CYB5R4: variants seen among roughly 807,000 people sequenced by gnomAD.
The protein encoded by CYB5R4 is cytochrome b5 reductase 4.
CYB5R4 carries 55 observed loss-of-function variants against 70.2 expected under a neutral mutation model. The observed-to-expected ratio is 0.78, with a 90% CI of 0.63 to 0.98. CYB5R4 has a LOEUF of 0.98. Ranked by LOEUF, CYB5R4 falls within the 50% of genes least tolerant of loss-of-function variation. The pLI is 0.00. For missense variants in CYB5R4, 562 were observed against 612.6 expected, an observed-to-expected ratio of 0.92 and a Z score of 0.87; for synonymous variants, 197 against 199.5, an observed-to-expected ratio of 0.99 and a Z score of 0.11.
chr6:83,924,448 A>G (rs779307851), intron 9 of CYB5R4, 22 bp from the exon 10 acceptor site: 3 of 1,609,442 alleles, frequency 1.9e-6, no homozygotes, highest in South Asian at 1.1e-5. Context: ...ATGAACACAA[A>G]TGGAATTTAT....
chr6:83,902,207 T>G (rs9362018), intron 3 of CYB5R4, among the ~76,000 whole-genome samples: 23,811 of 152,020 alleles, frequency 0.16, 3,671 homozygotes, highest in African/African-American at 0.38. Flanking sequence ...TATGGTGAAA[T>G]ATTGGAGTTC....
chr6:83,909,187 G>A, intron 4 of CYB5R4, 97 bp downstream of exon 4: 1 of 956,362 alleles, frequency 1.0e-6, no homozygotes, highest in Non-Finnish European at 1.6e-6. Context: ...AAATCACTAT[G>A]GTTTTGTAAT....
chr6:83,947,201 A>G (rs1015662595), intron 14 of CYB5R4, among the ~76,000 whole-genome samples: 1 of 152,196 alleles, frequency 6.6e-6, no homozygotes, highest in African/African-American at 2.4e-5. Context: ...ACTGGTACCA[A>G]AACAGATATA....
chr6:83,866,585 C>G (rs1243147431), intron 2 of CYB5R4, among the ~76,000 whole-genome samples: 1 of 151,406 alleles, frequency 6.6e-6, no homozygotes, highest in Non-Finnish European at 1.5e-5. Flanking sequence ...AGCACCTCGT[C>G]TGGTAAGGTG....
rs554096261 is a variant in CYB5R4, at chr6:83,953,824, A to G, written c.1347-1474A>G. Among the ~76,000 whole-genome samples the G allele has an allele frequency of 5.9e-5, 9 of 152,270 alleles. No homozygotes were observed. The East Asian group carries it at 1.5e-3, about 26-fold the overall frequency. ...GATGACTGCTAATGATTTAGACTAA[A>G]TGAATACATTTGTATTTCAAGACTT... On this transcript the variant is annotated intron_variant, in intron 14 of 15. Transcript: ENST00000369681.
intron 4 of CYB5R4, among the ~76,000 whole-genome samples, chr6:83,911,374 A>G (rs2099464655): frequency 6.6e-6 from 1 of 152,208 alleles, no homozygotes; most frequent in Non-Finnish European, 1.5e-5. Context: ...TACAGAACCA[A>G]GAAGTCTTCT....
At chr6:83,945,374 G>A (rs1203065951) in intron 14 of CYB5R4, among the ~76,000 whole-genome samples, 1 of 152,146 alleles carries the variant, frequency 6.6e-6, no homozygotes, top group African/African-American at 2.4e-5. Flanking sequence ...TGAAACCAAT[G>A]AGAACAAAGA....
intron 2 of CYB5R4, among the ~76,000 whole-genome samples, chr6:83,874,531 T>C (rs552900421): frequency 2.8e-4 from 42 of 150,848 alleles, no homozygotes; most frequent in East Asian, 9.9e-4. Context: ...TTTTTTTTTT[T>C]CCCCCTAAGG....
rs1470486582 is a variant in CYB5R4, at chr6:83,940,561, T to C, written c.1306T>C (p.Trp436Arg). 6.2e-7 allele frequency: 1 copy of C among 1,600,758 alleles called. No homozygotes were observed. The highest frequency in any genetic ancestry group is 2.2e-5 in the East Asian group (1 of 44,510). Residue 436 changes from tryptophan to arginine, a missense_variant, in exon 14 of 16, where the codon TGG (tryptophan) becomes CGG (arginine). Transcript: ENST00000369681. The stretch of plus-strand genomic sequence containing the variant: ...CAATAAAACAGAAGATGATATAATT[T>C]GGAGAAGCCAATTGGAGAAATTAGC... Reference protein sequence around the residue: ...FFNKTEDDIIWRSQLEKLAFK... With the variant: ...FFNKTEDDIIRRSQLEKLAFK...
chr6:83,862,770 T>C, intron 1 of CYB5R4, among the ~76,000 whole-genome samples: 1 of 152,198 alleles, frequency 6.6e-6, no homozygotes, highest in East Asian at 1.9e-4. Flanking sequence ...CTGTGGATTA[T>C]GGAATGGAGA....
At chr6:83,881,158 C>G (rs182157220) in intron 2 of CYB5R4, among the ~76,000 whole-genome samples, 1 of 151,868 alleles carries the variant, frequency 6.6e-6, no homozygotes, top group African/African-American at 2.4e-5. Flanking sequence ...GATTATACTG[C>G]CTTTTTTTCT....
intron 10 of CYB5R4, chr6:83,926,264 C>CCT (rs1288441239): frequency 6.6e-6 from 1 of 152,136 alleles, no homozygotes; most frequent in Admixed American, 6.6e-5. Flanking sequence ...TGAACAATCT[C>CCT]CTACCTTGTA....
intron 3 of CYB5R4, among the ~76,000 whole-genome samples, chr6:83,899,709 G>A (rs915004595): frequency 4.0e-5 from 6 of 151,890 alleles, no homozygotes; most frequent in Non-Finnish European, 5.9e-5. Flanking sequence ...TGTATGTGTC[G>A]AGGAATTTAT....
At chr6:83,902,166 G>C (rs2099463081) in intron 3 of CYB5R4, among the ~76,000 whole-genome samples, 1 of 152,114 alleles carries the variant, frequency 6.6e-6, no homozygotes, top group South Asian at 2.1e-4. Flanking sequence ...TATATTTTAA[G>C]TCTTTAATCC....
chr6:83,876,438 G>T (rs755993292), intron 2 of CYB5R4, among the ~76,000 whole-genome samples: 17 of 150,532 alleles, frequency 1.1e-4, no homozygotes, highest in Non-Finnish European at 2.2e-4. Flanking sequence ...TGTTGACATA[G>T]TTATCATTAT....
chr6:83,961,177 C>G lies in CYB5R4; in HGVS notation c.*1299C>G, dbSNP rs961066771. 1 of 152,220 alleles carries G rather than the reference C, an allele frequency of 6.6e-6. No homozygotes were observed. Among genetic ancestry groups the G allele is most frequent in the African/African-American group, 2.4e-5 (1 of 41,436 alleles). 9.4% of individuals were successfully genotyped at this position (152,220 alleles called of 1,614,324 possible). ...GTGCAAATGGCTGGTTGAACACTAT[C>G]ACTTTTTCCTGTGCCTCTGTCTTCT... On this transcript the variant is annotated 3_prime_UTR_variant, in exon 16 of 16. Coordinates refer to ENST00000369681, the MANE Select transcript of CYB5R4 (RefSeq NM_016230.4).
chr6:83,923,210 A>C (rs1250505630), intron 9 of CYB5R4, among the ~76,000 whole-genome samples: 2 of 152,180 alleles, frequency 1.3e-5, no homozygotes, highest in Non-Finnish European at 2.9e-5. Flanking sequence ...ATGTTGCTGC[A>C]TATAAACATG....
rs2099465787 is a variant in CYB5R4 at position 83,918,063 on chromosome 6, A to G, written c.504A>G (p.Pro168=). The part of the protein sequence containing the change: ...DTLAKEGPSY[P]SYDWFQTDSL... ...TTGCCAAAGAAGGTCCTAGTTATCC[A>G]AGGTATGCATTCTTATTTAAAATTT... Residue 168 remains proline, a splice_region_variant and synonymous_variant, in exon 6 of 16, where the codon CCA becomes CCG. Coordinates refer to ENST00000369681, the MANE Select transcript of CYB5R4 (RefSeq NM_016230.4). The G allele has an allele frequency of 1.2e-6, 2 of 1,609,114 alleles. No homozygotes were observed. The highest frequency in any genetic ancestry group is 4.5e-5 in the East Asian group (2 of 44,766).
chr6:83,910,039 G>T, intron 4 of CYB5R4: 1 of 1,612,216 alleles, frequency 6.2e-7, no homozygotes, highest in Non-Finnish European at 8.5e-7. Flanking sequence ...TGGTACGCAT[G>T]CATTGGACAG....
Sources: gnomAD v4.1 joint callset for allele counts (sites outside exome capture counted in the v4.1 genomes callset) on GRCh38, gnomAD v4.1.1 for gene constraint, MANE v1.5 for transcripts, NCBI Gene and HGNC (gene_info 2026-07-23, HGNC 2026-07-21) for gene names.